Variants in PCSK5 observed in about 807,000 individuals in gnomAD.
PCSK5 encodes proprotein convertase subtilisin/kexin type 5.
A neutral mutation model predicts 233.2 loss-of-function variants in PCSK5; 129 were observed. The observed-to-expected ratio is 0.55, with a 90% CI of 0.48 to 0.64. The LOEUF is 0.64. Ranked by LOEUF, PCSK5 falls within the 30% of genes least tolerant of loss-of-function variation. The pLI is 0.00. For synonymous variants in PCSK5, 825 were observed against 879.2 expected, an observed-to-expected ratio of 0.94 and a Z score of 1.09; for missense variants, 2,076 against 2,430.1, an observed-to-expected ratio of 0.85 and a Z score of 3.06.
At chr9:75,894,214 T>C (rs1481872658) in intron 1 of PCSK5, among the ~76,000 whole-genome samples, 1 of 152,234 alleles carries the variant, frequency 6.6e-6, no homozygotes, top group African/African-American at 2.4e-5. Flanking sequence ...CGGTATGATA[T>C]TCTAGGTGAG....
chr9:75,980,773 C>A (rs1428608972), intron 2 of PCSK5, among the ~76,000 whole-genome samples: 1 of 148,100 alleles, frequency 6.8e-6, no homozygotes, highest in East Asian at 2.0e-4. Flanking sequence ...CACCAGTTAG[C>A]TTTGATGTTT....
chr9:76,307,953 T>A (rs1828753682), intron 28 of PCSK5, among the ~76,000 whole-genome samples: 1 of 151,676 alleles, frequency 6.6e-6, no homozygotes, highest in Non-Finnish European at 1.5e-5. Flanking sequence ...ATCCCAGCAG[T>A]TTGGGAGGCT....
intron 20 of PCSK5, chr9:76,205,271 T>A: frequency 1.9e-6 from 1 of 518,480 alleles, no homozygotes; most frequent in Admixed American, 1.9e-5. Flanking sequence ...AACACGATGA[T>A]CCAGAGCTGG....
At chr9:75,998,496 C>T (rs1309682755) in intron 3 of PCSK5, among the ~76,000 whole-genome samples, 1 of 152,170 alleles carries the variant, frequency 6.6e-6, no homozygotes, top group Non-Finnish European at 1.5e-5. Context: ...ATGCTCAATA[C>T]CGCTCTAGTA....
chr9:76,184,343 G>C (rs559493694), intron 16 of PCSK5, among the ~76,000 whole-genome samples: 2 of 151,046 alleles, frequency 1.3e-5, no homozygotes, highest in African/African-American at 4.9e-5. Flanking sequence ...TTGCACTGTT[G>C]CAAGTTAGGA....
chr9:76,255,286 C>A (rs578062836), intron 24 of PCSK5, among the ~76,000 whole-genome samples: 4 of 151,638 alleles, frequency 2.6e-5, no homozygotes, highest in Admixed American at 2.0e-4. Flanking sequence ...GACTCTCTCT[C>A]AAAAAAATAA....
chr9:76,056,445 G>T (rs1829821549), intron 5 of PCSK5, among the ~76,000 whole-genome samples: 1 of 151,974 alleles, frequency 6.6e-6, no homozygotes, highest in Non-Finnish European at 1.5e-5. Flanking sequence ...TCCCCACTTA[G>T]CAAGATACAG....
chr9:76,118,633 G>A (rs1832520835), intron 9 of PCSK5, among the ~76,000 whole-genome samples: 1 of 148,850 alleles, frequency 6.7e-6, no homozygotes, highest in African/African-American at 2.6e-5. Context: ...ATTAGCAATA[G>A]AACCATTTTT....
intron 1 of PCSK5, among the ~76,000 whole-genome samples, chr9:75,897,810 A>G (rs1013002507): frequency 6.6e-6 from 1 of 152,180 alleles, no homozygotes; most frequent in Non-Finnish European, 1.5e-5. Flanking sequence ...TTAAAGTATC[A>G]AAACTTAGTC....
intron 5 of PCSK5, among the ~76,000 whole-genome samples, chr9:76,037,385 A>T (rs1464690980): frequency 1.3e-5 from 2 of 152,212 alleles, no homozygotes; most frequent in Non-Finnish European, 2.9e-5. Flanking sequence ...TTAAACTTGA[A>T]TGAGTTCCAG....
chr9:76,082,251 C>G (rs1587602687), intron 7 of PCSK5, among the ~76,000 whole-genome samples: 1 of 152,226 alleles, frequency 6.6e-6, no homozygotes, highest in African/African-American at 2.4e-5. Context: ...GGCTTGGCTC[C>G]TTGGCATGGC....
chr9:76,248,692 A>G (rs1262080966), intron 24 of PCSK5, among the ~76,000 whole-genome samples: 1 of 152,238 alleles, frequency 6.6e-6, no homozygotes, highest in Admixed American at 6.5e-5. Context: ...ACAAGTTATT[A>G]TACATAACAT....
At chr9:76,131,291 A>G (rs909542907) in intron 9 of PCSK5, among the ~76,000 whole-genome samples, 4 of 152,116 alleles carry the variant, frequency 2.6e-5, no homozygotes, top group African/African-American at 9.7e-5. Flanking sequence ...TGTCCAGCAA[A>G]ATTAACCTAT....
At chr9:76,252,224 CGT>C (rs549267724) in intron 24 of PCSK5, among the ~76,000 whole-genome samples, 1 of 152,010 alleles carries the variant, frequency 6.6e-6, no homozygotes, top group Non-Finnish European at 1.5e-5. Context: ...GCCGCGATCG[CGT>C]GCCCCTGCAC....
chr9:75,900,966 C>T (rs1035168993), intron 1 of PCSK5, among the ~76,000 whole-genome samples: 2 of 151,874 alleles, frequency 1.3e-5, no homozygotes, highest in African/African-American at 4.8e-5. Flanking sequence ...AGCACGTGGG[C>T]AGGGGGCATG....
At chr9:76,319,419 T>C (rs1336765519) in intron 30 of PCSK5, among the ~76,000 whole-genome samples, 1 of 122,934 alleles carries the variant, frequency 8.1e-6, no homozygotes, top group Admixed American at 7.7e-5. Context: ...TATTAATCAT[T>C]AGCTTTTAAT....
At chr9:76,014,232 A>G (rs1827853550) in intron 3 of PCSK5, among the ~76,000 whole-genome samples, 1 of 152,174 alleles carries the variant, frequency 6.6e-6, no homozygotes, top group South Asian at 2.1e-4. Context: ...TCCCATAATT[A>G]TTAAATACTG....
chr9:76,033,563 A>G (rs1306825370), intron 5 of PCSK5, among the ~76,000 whole-genome samples: 1 of 152,184 alleles, frequency 6.6e-6, no homozygotes, highest in Non-Finnish European at 1.5e-5. Flanking sequence ...GGCTTAATGT[A>G]TACCAAACAT....
intron 2 of PCSK5, among the ~76,000 whole-genome samples, chr9:75,978,276 A>T (rs1035231910): frequency 6.6e-6 from 1 of 152,214 alleles, no homozygotes; most frequent in African/African-American, 2.4e-5. Flanking sequence ...CGTCTTTGGT[A>T]CTAGGGATCT....
Sources: allele counts gnomAD v4.1 joint callset (sites outside exome capture counted in the v4.1 genomes callset), GRCh38; gene constraint gnomAD v4.1.1; transcripts MANE v1.5; gene names NCBI Gene and HGNC (gene_info 2026-07-23, HGNC 2026-07-21).